UTP14C: variants seen among roughly 807,000 people sequenced by gnomAD.
UTP14C encodes the protein U3 small nucleolar RNA-associated protein 14 homolog C.
In UTP14C, 10 loss-of-function variants were observed where a neutral mutation model predicts 14.6. The ratio of observed to expected loss-of-function variants is 0.68; its 90% CI spans 0.42 to 1.16. The LOEUF (loss-of-function observed/expected upper bound fraction) is 1.16. UTP14C is among the 50% of genes most tolerant of loss of function. The pLI is 0.00. For missense variants in UTP14C, 818 were observed against 890.8 expected (o/e 0.92, Z 1.04); for synonymous variants, 315 against 331.6 (o/e 0.95, Z 0.54).
chr13:52,027,514 ATCAGC>A (rs1362457019), intron 1 of UTP14C, among the ~76,000 whole-genome samples: 4 of 152,230 alleles, frequency 2.6e-5, no homozygotes, highest in Admixed American at 2.6e-4. Context: ...CCAGGATGAT[ATCAGC>A]TCTGTACCAT....
rs1320224451 is a variant in UTP14C, at chr13:52,029,283, TG to T, written c.483del (p.Lys162ArgfsTer37). The T allele has an allele frequency of 8.7e-6, 14 of 1,614,178 alleles. No homozygotes were observed. The highest frequency in any genetic ancestry group is 1.2e-5 in the Non-Finnish European group (14 of 1,180,032). On this transcript the variant is annotated frameshift_variant, in exon 2 of 2. Transcript: ENST00000521776. LOFTEE classifies it low-confidence loss of function (END_TRUNC). ...NQQAEQLVFPLGKEQPAIAPI... is the reference protein window; with the variant it reads ...NQQAEQLVFPXGKEQPAIAPI... ...CAGGCAGAGCAGCTGGTTTTTCCCCTGGGGAAGGAGCAGCCAGCCATTGCTC... is the reference window on the plus strand; with the variant it reads ...CAGGCAGAGCAGCTGGTTTTTCCCCTGGGAAGGAGCAGCCAGCCATTGCTC...
Position 52,028,268 on chromosome 13 carries a change from G to C in UTP14C, c.-486-51G>C. 3 of 1,609,414 alleles carry C rather than the reference G, an allele frequency of 1.9e-6. No individual in the cohort carries two copies. The South Asian group carries it at 3.3e-5, about 18-fold the overall frequency. On this transcript the variant is annotated intron_variant, in intron 1 of 1. Coordinates refer to ENST00000521776, the MANE Select transcript of UTP14C (RefSeq NM_021645.6). ...GATTTCTATTCATCCTCATTCTTAT[G>C]AACACACTCAAAAACTTAAAAGATT...
Position 52,030,304 on chromosome 13 carries a change from A to C in UTP14C, c.1500A>C (p.Leu500=). 6.2e-7 allele frequency: 1 copy of C among 1,614,250 alleles called. No individual in the cohort carries two copies. The highest frequency in any genetic ancestry group is 1.1e-5 in the South Asian group (1 of 91,090). Residue 500 remains leucine (L), a synonymous_variant, in exon 2 of 2, where the codon CTA becomes CTC. Transcript: ENST00000521776. ...CAGAAGAAGCGGAACCCCTATTGCT[A>C]CAGAGGTCAGAGAGAGTACAAACTC... ...PAPEEAEPLL[L]QRSERVQTLE... is the part of the protein sequence containing the mutation.
Position 52,030,198 on chromosome 13 carries a change from T to A in UTP14C, c.1394T>A (p.Leu465Ter). ...LSELRALSQK[L>*]KEKHQSRKQK... ...GAATTGAGGGCACTATCTCAGAAAT[T>A]GAAGGAAAAACATCAGTCCAGGAAG... is the stretch of plus-strand genomic sequence containing the variant. The change falls in exon 2 of 2, where the codon TTG becomes TAG. Residue 465 changes from leucine (L) to a stop codon, truncating the protein, a stop_gained. Coordinates refer to ENST00000521776, the MANE Select transcript of UTP14C (RefSeq NM_021645.6). LOFTEE classifies it low-confidence loss of function (END_TRUNC). 6.2e-7 allele frequency: 1 copy of A among 1,614,030 alleles called. No individual in the cohort carries two copies. Among genetic ancestry groups the A allele is most frequent in the African/African-American group, 1.3e-5 (1 of 74,978 alleles).
Position 52,028,419 on chromosome 13 carries a change from C to A in UTP14C, c.-386C>A, listed in dbSNP as rs1452024005. Reference sequence around the variant, plus strand: ...TTCCTCACGAAGGAGATATAACTGGCTTTCTGGCTGAGAGTGAAGAAGACT... The same window carrying A: ...TTCCTCACGAAGGAGATATAACTGGATTTCTGGCTGAGAGTGAAGAAGACT... On this transcript the variant is annotated 5_prime_UTR_variant, in exon 2 of 2. Transcript: ENST00000521776. 5.6e-6 allele frequency: 9 copies of A among 1,614,146 alleles called. No homozygotes were observed. Among genetic ancestry groups the A allele is most frequent in the Non-Finnish European group, 7.6e-6 (9 of 1,180,026 alleles).
rs1954292772 is a variant in UTP14C at position 52,030,634 on chromosome 13, GAA to G, written c.1831_1832del (p.Lys611GlufsTer8). 1.9e-6 allele frequency: 3 copies of G among 1,614,092 alleles called. No individual in the cohort carries two copies. The highest frequency in any genetic ancestry group is 2.5e-6 in the Non-Finnish European group (3 of 1,180,040). On this transcript the variant is annotated frameshift_variant, in exon 2 of 2. Transcript: ENST00000521776. LOFTEE classifies it high-confidence loss of function. ...ATGTCATCAGAGATTTCTTGAAAGA[GAA>G]GAGGGAAGCTGTGGAGGCGAGTAAG... The part of the protein sequence containing the change: ...DDVIRDFLKE[K>X]REAVEASKPK...
chr13:52,025,181 A>G (rs1281315106), intron 1 of UTP14C, among the ~76,000 whole-genome samples: 1 of 152,210 alleles, frequency 6.6e-6, no homozygotes, highest in Non-Finnish European at 1.5e-5. Flanking sequence ...ATCTAATTTA[A>G]GCCTTTCTAA....
chr13:52,031,471 G>A lies in UTP14C; in HGVS notation c.*366G>A, dbSNP rs1954304088. On this transcript the variant is annotated 3_prime_UTR_variant, in exon 2 of 2. Transcript: ENST00000521776. ...TTATAGGTGTGTGTAGGGTGGTAGA[G>A]GCCAAGGTGCTGCCAGCAATCCTTT... 1 of 205,790 alleles carries A rather than the reference G, an allele frequency of 4.9e-6. No homozygotes were observed. The highest frequency in any genetic ancestry group is 5.3e-5 in the Admixed American group (1 of 18,912). 12.7% of individuals were successfully genotyped at this position (205,790 alleles called of 1,614,324 possible).
At chr13:52,028,236 T>G (rs527534411) in intron 1 of UTP14C, 83 bp from the exon 2 acceptor site, 10 of 1,550,776 alleles carry the variant, frequency 6.4e-6, no homozygotes, top group Non-Finnish European at 8.8e-6. Context: ...CCCTTAAATT[T>G]TTTGAAGATT....
At position 52,030,013 on chromosome 13, in the gene UTP14C, T is replaced by C; in HGVS notation, c.1209T>C (p.Ser403=). The C allele has an allele frequency of 1.9e-6, 3 of 1,614,232 alleles. No homozygotes were observed. The highest frequency in any genetic ancestry group is 2.5e-6 in the Non-Finnish European group (3 of 1,180,042). ...CAGAGCTTGCAGCTCATGAGGTTTC[T>C]GCAAGTGAGGCAGAAGAAAGACCAG... ...QVPELAAHEV[S]ASEAEERPVA... is the part of the protein sequence containing the mutation. The change falls in exon 2 of 2, where the codon TCT becomes TCC. Residue 403 remains serine (S), a synonymous_variant. Coordinates refer to ENST00000521776, the MANE Select transcript of UTP14C (RefSeq NM_021645.6).
rs753621680 is a variant in UTP14C at position 52,028,972 on chromosome 13, T to C, written c.168T>C (p.Asn56=). Residue 56 remains asparagine, a synonymous_variant, in exon 2 of 2, where the codon AAT becomes AAC. Coordinates refer to ENST00000521776, the MANE Select transcript of UTP14C (RefSeq NM_021645.6). Reference sequence around the variant, plus strand: ...CAATCATTTCCCTTGATGGAAAGAATAGGCGGAAATTGGCTGAGAGGTCTG... The same window carrying C: ...CAATCATTTCCCTTGATGGAAAGAACAGGCGGAAATTGGCTGAGAGGTCTG... The part of the protein sequence containing the change: ...LEAIISLDGK[N]RRKLAERSEA... 4 of 1,614,236 alleles carry C rather than the reference T, an allele frequency of 2.5e-6. No individual in the cohort carries two copies. In the South Asian group the frequency reaches 3.3e-5, roughly 13 times the overall value.
intron 1 of UTP14C, among the ~76,000 whole-genome samples, chr13:52,025,744 T>C (rs948533053): frequency 3.3e-5 from 5 of 152,242 alleles, no homozygotes; most frequent in Non-Finnish European, 5.9e-5. Flanking sequence ...GGTCCACATA[T>C]ATTTCTCAAG....
In UTP14C at chr13:52,031,183, G is replaced by T; in HGVS notation, c.*78G>T. 1 of 1,518,142 alleles carries T rather than the reference G, an allele frequency of 6.6e-7. No individual in the cohort carries two copies. Among genetic ancestry groups the T allele is most frequent in the Non-Finnish European group, 8.8e-7 (1 of 1,134,838 alleles). The allele number at this position is 1,518,142 out of a possible 1,614,324, so 94.0% of individuals were successfully genotyped here. A position where few individuals can be genotyped will look rare whatever the true frequency, so the allele number is the denominator to read the frequency against. ...TCCAGTTTTACTCTGCTACAGGGTG[G>T]ATTCCAAAACTGGCTCAGCACATTG... On this transcript the variant is annotated 3_prime_UTR_variant, in exon 2 of 2. Transcript: ENST00000521776.
rs1486060592 is a variant in UTP14C, at chr13:52,029,433, C to G, written c.629C>G (p.Ser210Cys). 1.2e-6 allele frequency: 2 copies of G among 1,614,182 alleles called. No individual in the cohort carries two copies. The highest frequency in any genetic ancestry group is 4.5e-5 in the East Asian group (2 of 44,872). The change falls in exon 2 of 2, where the codon TCT becomes TGT. Residue 210 changes from serine (S) to cysteine (C), a missense_variant. Physicochemically the swap from Ser to Cys is moderately radical, Grantham distance 112. Transcript: ENST00000521776. ...DPLLTPMEKA[S>C]LQAMSLEEAK... ...TTACTGACTCCCATGGAAAAGGCCT[C>G]TCTCCAAGCCATGAGCCTGGAAGAG...
In UTP14C at chr13:52,029,900, A is replaced by C; in HGVS notation, c.1096A>C (p.Asn366His). The C allele has an allele frequency of 1.2e-6, 2 of 1,614,188 alleles. No homozygotes were observed. The highest frequency in any genetic ancestry group is 1.6e-4 in the Middle Eastern group (1 of 6,062). The change falls in exon 2 of 2, where the codon AAT becomes CAT. Residue 366 changes from asparagine (N) to histidine (H), a missense_variant. Transcript: ENST00000521776. ...VPHVANEVQM[N>H]VDGPNPWMFR... is the part of the protein sequence containing the mutation. ...TCATGTAGCGAATGAAGTGCAGATGAATGTGGACGGACCGAATCCCTGGAT... is the reference window on the plus strand; with the variant it reads ...TCATGTAGCGAATGAAGTGCAGATGCATGTGGACGGACCGAATCCCTGGAT...
rs1208233603 is a variant in UTP14C, at chr13:52,030,421, C to T, written c.1617C>T (p.Thr539=). ...TAGAAGGACAGCAGTCAGAGAGGAC[C>T]CCAAATAATCGGCCTGATGCCCCTA... ...PVLEGQQSER[T]PNNRPDAPKE... The change falls in exon 2 of 2, where the codon ACC becomes ACT. Residue 539 remains threonine, a synonymous_variant. Coordinates refer to ENST00000521776, the MANE Select transcript of UTP14C (RefSeq NM_021645.6). 6.2e-7 allele frequency: 1 copy of T among 1,613,986 alleles called. No homozygotes were observed. The highest frequency in any genetic ancestry group is 1.7e-5 in the Admixed American group (1 of 59,988).
rs1249315084 is a variant in UTP14C at position 52,033,163 on chromosome 13, A to AATG, written c.*2061_*2063dup. 1 of 166,950 alleles carries AATG rather than the reference A, an allele frequency of 6.0e-6. No individual in the cohort carries two copies. Among genetic ancestry groups the AATG allele is most frequent in the African/African-American group, 2.4e-5 (1 of 41,392 alleles). 10.3% of individuals were successfully genotyped at this position (166,950 alleles called of 1,614,324 possible). ...ATTACATGTATTCTATTTTTTTCTG[A>AATG]ATGATAGCATGAAAAGTGTCAAAGT... is the stretch of plus-strand genomic sequence containing the variant. On this transcript the variant is annotated 3_prime_UTR_variant, in exon 2 of 2. Transcript: ENST00000521776.
In UTP14C at chr13:52,030,511, C is replaced by T. The variant is rs149649022; in HGVS notation, c.1707C>T (p.Ser569=). Residue 569 remains serine (S), a synonymous_variant, in exon 2 of 2, where the codon TCC becomes TCT. Transcript: ENST00000521776. ...ACTTCCTGACCACACAGTCTCCTTCCGTGAGGTCTTTGGCAGTTCCCACAA... is the reference window on the plus strand; with the variant it reads ...ACTTCCTGACCACACAGTCTCCTTCTGTGAGGTCTTTGGCAGTTCCCACAA... ...LQNFLTTQSP[S]VRSLAVPTII... The T allele has an allele frequency of 4.7e-5, 76 of 1,614,064 alleles. No individual in the cohort carries two copies. The highest frequency in any genetic ancestry group is 1.3e-4 in the Admixed American group (8 of 60,006).
At chr13:52,026,064 G>T (rs748900030) in intron 1 of UTP14C, among the ~76,000 whole-genome samples, 2 of 152,232 alleles carry the variant, frequency 1.3e-5, no homozygotes, top group Non-Finnish European at 2.9e-5. Flanking sequence ...GGTACCAACA[G>T]GCTACACAGG....
Sources: allele counts gnomAD v4.1 joint callset (sites outside exome capture counted in the v4.1 genomes callset), GRCh38; gene constraint gnomAD v4.1.1; transcripts MANE v1.5; gene names NCBI Gene and HGNC (gene_info 2026-07-23, HGNC 2026-07-21).